The following DHX57 variants were observed in gnomAD, a reference collection of about 807,000 sequenced individuals.
DHX57 encodes putative ATP-dependent RNA helicase DHX57.
Under a neutral mutation model 156.2 loss-of-function variants are expected in DHX57, and 105 were observed. That is an observed-to-expected ratio of 0.67 (90% confidence interval 0.57 to 0.79). The LOEUF (loss-of-function observed/expected upper bound fraction) is 0.79, where lower values mean the gene tolerates loss of function less well. DHX57 is among the 30% of genes least tolerant of loss of function. The pLI is 0.00. For missense variants in DHX57, 1,847 were observed against 1,661.9 expected (o/e 1.11, Z -1.94); for synonymous variants, 704 against 595.6 (o/e 1.18, Z -2.65).
chr2:38,811,398 G>T, intron 21 of DHX57: 2 of 566,778 alleles, frequency 3.5e-6, no homozygotes, highest in South Asian at 3.0e-5. Flanking sequence ...GGCCTGGGAA[G>T]AGAGGGGCCC....
In DHX57 at chr2:38,823,001, A is replaced by G; in HGVS notation, c.3283T>C (p.Ser1095Pro). Residue 1095 changes from serine (S) to proline (P), a missense_variant, in exon 17 of 24, where the codon TCT becomes CCT. Coordinates refer to ENST00000457308, the MANE Select transcript of DHX57 (RefSeq NM_198963.3). ...LTIAASLAFKSPFVSPWDKKE... is the reference protein window; with the variant it reads ...LTIAASLAFKPPFVSPWDKKE... ...GAATGTTGTTTACTTACAAACGGAG[A>G]CTTAAAAGCCAAACTGGCAGCAATG... The G allele has an allele frequency of 6.2e-7, 1 of 1,613,978 alleles. No homozygotes were observed.
At chr2:38,870,062 T>C (rs187967139) in intron 1 of DHX57, among the ~76,000 whole-genome samples, 32 of 152,218 alleles carry the variant, frequency 2.1e-4, no homozygotes, top group African/African-American at 7.5e-4. Context: ...AGTATACTAA[T>C]TGAAATTAAA....
intron 2 of DHX57, among the ~76,000 whole-genome samples, chr2:38,867,753 T>G (rs948124613): frequency 1.8e-4 from 28 of 152,130 alleles, no homozygotes; most frequent in Non-Finnish European, 3.5e-4. Flanking sequence ...AGACAGGATT[T>G]CACCCTATTG....
intron 17 of DHX57, 32 bp downstream of exon 17, chr2:38,822,961 G>A: frequency 6.2e-7 from 1 of 1,605,220 alleles, no homozygotes; most frequent in East Asian, 2.2e-5. Context: ...TCCTCTTAGA[G>A]ACTCCAGTTT....
intron 1 of DHX57, among the ~76,000 whole-genome samples, chr2:38,874,102 T>C (rs1665481220): frequency 6.6e-6 from 1 of 151,704 alleles, no homozygotes; most frequent in Non-Finnish European, 1.5e-5. Context: ...CTTTCTTTCT[T>C]TTTTTTTGAG....
intron 21 of DHX57, chr2:38,810,708 G>A (rs889566034): frequency 1.7e-5 from 13 of 757,506 alleles, no homozygotes; most frequent in African/African-American, 5.1e-5. Flanking sequence ...GCCAGAAACC[G>A]GTGTACACCA....
chr2:38,813,066 T>G (rs941386565), intron 21 of DHX57, among the ~76,000 whole-genome samples: 2 of 151,634 alleles, frequency 1.3e-5, no homozygotes, highest in African/African-American at 4.9e-5. Flanking sequence ...CAGGAGGGTC[T>G]TAAACTCCTG....
At chr2:38,840,199 C>T (rs531466064) in intron 12 of DHX57, among the ~76,000 whole-genome samples, 2 of 152,162 alleles carry the variant, frequency 1.3e-5, no homozygotes, top group South Asian at 4.1e-4. Context: ...CTGGCCTCAG[C>T]CGCTCAAAGT....
At chr2:38,814,139 T>A (rs1283131009) in intron 20 of DHX57, among the ~76,000 whole-genome samples, 3 of 152,154 alleles carry the variant, frequency 2.0e-5, no homozygotes, top group African/African-American at 7.2e-5. Context: ...GGTTTCACCA[T>A]GTTGGCCAGG....
At chr2:38,870,178 G>A (rs563747780) in intron 1 of DHX57, among the ~76,000 whole-genome samples, 106 of 152,086 alleles carry the variant, frequency 7.0e-4, no homozygotes, top group African/African-American at 2.5e-3. Flanking sequence ...CAGAGAGAAC[G>A]ATAAATGAAG....
chr2:38,860,333 C>T lies in DHX57; in HGVS notation c.1411+666G>A, dbSNP rs912951052. Reference sequence around the variant, plus strand: ...GCGTGGTGGCGGGTGCCTGTAATCCCAGCTACTCAGGAGGCTGAGGCAGGA... The same window carrying T: ...GCGTGGTGGCGGGTGCCTGTAATCCTAGCTACTCAGGAGGCTGAGGCAGGA... On this transcript the variant is annotated intron_variant, in intron 5 of 23. Transcript: ENST00000457308. Among the ~76,000 whole-genome samples the T allele has an allele frequency of 2.0e-5, 3 of 152,124 alleles. No homozygotes were observed. In the East Asian group the frequency reaches 5.8e-4, roughly 29 times the overall value.
At chr2:38,820,311 T>C (rs1670746690) in intron 17 of DHX57, among the ~76,000 whole-genome samples, 1 of 152,068 alleles carries the variant, frequency 6.6e-6, no homozygotes, top group Non-Finnish European at 1.5e-5. Context: ...ACATCAATAT[T>C]TCTTTTCTCT....
intron 16 of DHX57, among the ~76,000 whole-genome samples, chr2:38,823,927 A>T (rs1020961840): frequency 6.6e-6 from 1 of 151,946 alleles, no homozygotes; most frequent in Non-Finnish European, 1.5e-5. Context: ...CAGGAGAATC[A>T]CTTGAACCCG....
rs1464085117 is a variant in DHX57, at chr2:38,856,394, G to C, written c.1655C>G (p.Thr552Ser). The change falls in exon 7 of 24, where the codon ACC becomes AGC. Residue 552 changes from threonine (T) to serine (S), a missense_variant. Physicochemically the swap from Thr to Ser is moderately conservative, Grantham distance 58. Coordinates refer to ENST00000457308, the MANE Select transcript of DHX57 (RefSeq NM_198963.3). ...QSLPAWEERE[T>S]ILNLLRKHQV... is the part of the protein sequence containing the mutation. ...GTGCTTACGCAATAAGTTAAGAATG[G>C]TTTCTCTTTCTTCCCAAGCAGGGAG... 1.9e-6 allele frequency: 3 copies of C among 1,613,864 alleles called. No homozygotes were observed. The highest frequency in any genetic ancestry group is 1.7e-4 in the Middle Eastern group (1 of 6,058).
chr2:38,833,748 C>T (rs1572659457), intron 13 of DHX57, among the ~76,000 whole-genome samples: 1 of 151,936 alleles, frequency 6.6e-6, no homozygotes, highest in Non-Finnish European at 1.5e-5. Context: ...TACTCATTGG[C>T]AATTTTCTTT....
At position 38,848,366 on chromosome 2, in the gene DHX57, C is replaced by T. The variant is rs147299842; in HGVS notation, c.2067G>A (p.Ser689=). The T allele has an allele frequency of 2.4e-5, 39 of 1,609,794 alleles. No individual in the cohort carries two copies. Among genetic ancestry groups the T allele is most frequent in the Admixed American group, 1.2e-4 (7 of 59,430 alleles). Residue 689 remains serine (S), a synonymous_variant, in exon 10 of 24, where the codon TCG becomes TCA. Coordinates refer to ENST00000457308, the MANE Select transcript of DHX57 (RefSeq NM_198963.3). ...FLLLVLKDIV[S]QRPGLQVILM... Reference sequence around the variant, plus strand: ...AAATAACTTGAAGACCTGGCCTCTGCGATACAATGTCCTTCAAAACTAGCA... The same window carrying T: ...AAATAACTTGAAGACCTGGCCTCTGTGATACAATGTCCTTCAAAACTAGCA...
At chr2:38,820,127 G>T (rs1670737269) in intron 17 of DHX57, among the ~76,000 whole-genome samples, 1 of 152,060 alleles carries the variant, frequency 6.6e-6, no homozygotes, top group African/African-American at 2.4e-5. Context: ...TCTAATTTTT[G>T]TATATTTAAA....
rs969819643 is a variant in DHX57 at position 38,826,837 on chromosome 2, T to A, written c.2640-148A>T. ...GTCCTCAGAGCTCAGCTCTTCTACA[T>A]AGTAAAGTCTTGGCCGGGTACGGTG... is the stretch of plus-strand genomic sequence containing the variant. On this transcript the variant is annotated intron_variant, in intron 14 of 23. Coordinates refer to ENST00000457308, the MANE Select transcript of DHX57 (RefSeq NM_198963.3). 6 of 891,014 alleles carry A rather than the reference T, an allele frequency of 6.7e-6. No homozygotes were observed. In the African/African-American group the frequency reaches 8.5e-5, roughly 13 times the overall value. The allele number at this position is 891,014 out of a possible 1,614,324, so 55.2% of individuals were successfully genotyped here.
At chr2:38,839,462 A>G (rs1014924667) in intron 12 of DHX57, among the ~76,000 whole-genome samples, 25 of 151,702 alleles carry the variant, frequency 1.6e-4, no homozygotes, top group Non-Finnish European at 2.9e-4. Context: ...CTGTAATCCC[A>G]GCACTTTGGG....
Sources: allele counts gnomAD v4.1 joint callset (sites outside exome capture counted in the v4.1 genomes callset), GRCh38; gene constraint gnomAD v4.1.1; transcripts MANE v1.5; gene names NCBI Gene and HGNC (gene_info 2026-07-23, HGNC 2026-07-21).